The following NEDD4L variants were observed in gnomAD, a reference collection of about 807,000 sequenced individuals.
NEDD4L encodes the protein E3 ubiquitin-protein ligase NEDD4-like.
A neutral mutation model predicts 148.9 loss-of-function variants in NEDD4L; 54 were observed. The ratio of observed to expected loss-of-function variants is 0.36; its 90% CI spans 0.29 to 0.45. NEDD4L has a LOEUF of 0.45. Among genes scored for constraint, NEDD4L ranks in the 20% least tolerant of loss-of-function variants. The probability of loss-of-function intolerance (pLI) is 1.00; values close to 1 mark genes in which losing one functional copy is unlikely to be tolerated. For missense variants in NEDD4L, 856 were observed against 1,233.8 expected (o/e 0.69, Z 4.59); for synonymous variants, 433 against 440.7 (o/e 0.98, Z 0.22).
At chr18:58,384,752 G>A (rs1452418606) in intron 25 of NEDD4L, among the ~76,000 whole-genome samples, 1 of 152,188 alleles carries the variant, frequency 6.6e-6, no homozygotes, top group East Asian at 1.9e-4. Flanking sequence ...TGCCACCTGA[G>A]AGGCCGCACA....
chr18:58,155,914 G>A (rs981327019), intron 1 of NEDD4L, among the ~76,000 whole-genome samples: 1 of 152,186 alleles, frequency 6.6e-6, no homozygotes, highest in Non-Finnish European at 1.5e-5. Flanking sequence ...GAAGCCTGCA[G>A]CTCTCCCAAG....
At chr18:58,136,859 T>C (rs538099998) in intron 1 of NEDD4L, among the ~76,000 whole-genome samples, 1 of 152,192 alleles carries the variant, frequency 6.6e-6, no homozygotes, top group East Asian at 1.9e-4. Flanking sequence ...CAACCAGTGT[T>C]GTATACACTG....
intron 2 of NEDD4L, among the ~76,000 whole-genome samples, chr18:58,184,229 T>C (rs138456737): frequency 6.6e-6 from 1 of 152,278 alleles, no homozygotes; most frequent in East Asian, 1.9e-4. Flanking sequence ...CTGGCTTTAG[T>C]GTCACCATTC....
chr18:58,333,694 C>T (rs1377584954), intron 11 of NEDD4L, 124 bp from the exon 12 acceptor site: 7 of 691,392 alleles, frequency 1.0e-5, no homozygotes. Context: ...AAAGATGTTT[C>T]ATTTAATTAC....
At chr18:58,232,496 C>G (rs1472367661) in intron 2 of NEDD4L, among the ~76,000 whole-genome samples, 4 of 152,186 alleles carry the variant, frequency 2.6e-5, no homozygotes, top group African/African-American at 9.7e-5. Flanking sequence ...TTCATTCTTT[C>G]TATAAACTCC....
At chr18:58,084,671 T>TTGTGTGTGTGTGTGTGTG (rs55916532) in intron 1 of NEDD4L, among the ~76,000 whole-genome samples, 57 of 133,824 alleles carry the variant, frequency 4.3e-4, no homozygotes, top group East Asian at 1.6e-3. Flanking sequence ...TGTGGGGTTT[T>TTGTGTGTGTGTGTGTGTG]TGTGTGTGTG....
intron 18 of NEDD4L, among the ~76,000 whole-genome samples, chr18:58,354,300 C>T: frequency 6.6e-6 from 1 of 152,114 alleles, no homozygotes; most frequent in Non-Finnish European, 1.5e-5. Context: ...TTGTAAAGTC[C>T]TATTTTAGTC....
chr18:58,396,250 G>A lies in NEDD4L; in HGVS notation c.2909G>A (p.Gly970Glu), dbSNP rs1188324271. The change falls in exon 31 of 31, where the codon GGA becomes GAA. Residue 970 changes from glycine (G) to glutamate (E), a missense_variant. By Grantham distance (98) the Gly-to-Glu change is moderately conservative. Coordinates refer to ENST00000400345, the MANE Select transcript of NEDD4L (RefSeq NM_001144967.3). ...CTCATGGCCGTGGAAAATGCTCAAG[G>A]ATTTGAAGGGGTGGATTAAGCACCC... is the stretch of plus-strand genomic sequence containing the variant. ...KLLMAVENAQ[G>E]FEGVD 1 of 1,612,434 alleles carries A rather than the reference G, an allele frequency of 6.2e-7. No individual in the cohort carries two copies. The highest frequency in any genetic ancestry group is 1.3e-5 in the African/African-American group (1 of 74,938).
chr18:58,209,617 T>G (rs1361845342), intron 2 of NEDD4L, among the ~76,000 whole-genome samples: 2 of 150,114 alleles, frequency 1.3e-5, no homozygotes, highest in Non-Finnish European at 3.0e-5. Flanking sequence ...ATAGAGCATA[T>G]CACCTGGAGA....
chr18:58,044,565 G>C lies in NEDD4L; in HGVS notation c.-96G>C. On this transcript the variant is annotated 5_prime_UTR_variant, in exon 1 of 31. Transcript: ENST00000400345. ...AGGGCGTGCGCAGGGTAGGGTGCGG[G>C]ACCGGGGGGACCTGGAGGCAGAGGG... 2.8e-6 allele frequency: 4 copies of C among 1,407,380 alleles called. No homozygotes were observed. Among genetic ancestry groups the C allele is most frequent in the Non-Finnish European group, 3.7e-6 (4 of 1,076,114 alleles). The allele number at this position is 1,407,380 out of a possible 1,614,324, so 87.2% of individuals were successfully genotyped here.
intron 22 of NEDD4L, 70 bp downstream of exon 22, chr18:58,367,937 A>C: frequency 6.5e-7 from 1 of 1,540,756 alleles, no homozygotes. Flanking sequence ...TATCTTTCGC[A>C]TCATGGGTTT....
At chr18:58,390,593 C>A in intron 28 of NEDD4L, 53 bp from the exon 29 acceptor site, 3 of 1,103,718 alleles carry the variant, frequency 2.7e-6, no homozygotes, top group Non-Finnish European at 2.7e-6. Flanking sequence ...ATGACAGCAG[C>A]ATGTGCCATG....
chr18:58,060,017 C>G (rs2082257354), intron 1 of NEDD4L, among the ~76,000 whole-genome samples: 1 of 151,918 alleles, frequency 6.6e-6, no homozygotes, highest in South Asian at 2.1e-4. Flanking sequence ...TGCCCAGGGT[C>G]ACAGAACTAC....
chr18:58,073,130 G>A (rs2144937841), intron 1 of NEDD4L, among the ~76,000 whole-genome samples: 1 of 152,142 alleles, frequency 6.6e-6, no homozygotes, highest in African/African-American at 2.4e-5. Context: ...CCATGTTCAC[G>A]GATTAGAAGA....
rs561173552 is a variant in NEDD4L at position 58,285,246 on chromosome 18, T to G, written c.298-30736T>G. On this transcript the variant is annotated intron_variant, in intron 5 of 30. Transcript: ENST00000400345. ...AAGCCTAAGGACTAGTGAGTGGTCA[T>G]GTGGTTTATGGCCCCTATAAAAGGA... is the stretch of plus-strand genomic sequence containing the variant. 2.0e-5 allele frequency among the ~76,000 whole-genome samples: 3 copies of G among 152,272 alleles called. No homozygotes were observed. In the East Asian group the frequency reaches 5.8e-4, roughly 29 times the overall value.
intron 1 of NEDD4L, among the ~76,000 whole-genome samples, chr18:58,153,435 G>A (rs2035052508): frequency 6.6e-6 from 1 of 150,938 alleles, no homozygotes; most frequent in South Asian, 2.1e-4. Context: ...CGCCTCCCAG[G>A]TTCCAGCGGT....
Position 58,396,713 on chromosome 18 carries a change from A to ATTTTTTTTTTTTTTTTTTTTTTTTTTTT in NEDD4L, c.*458_*459insTTTTTTTTTTTTTTTTTTTTTTTTTTTT, listed in dbSNP as rs11433892. 1 of 143,714 alleles carries ATTTTTTTTTTTTTTTTTTTTTTTTTTTT rather than the reference A, an allele frequency of 7.0e-6. No individual in the cohort carries two copies. The highest frequency in any genetic ancestry group is 1.5e-5 in the Non-Finnish European group (1 of 66,052). 8.9% of individuals were successfully genotyped at this position (143,714 alleles called of 1,614,324 possible). ...GTCTCATGTACTTGGAAAAGTGAGCATTTTTTTTTTTTTTGTATTTCACTT... is the reference window on the plus strand; with the variant it reads ...GTCTCATGTACTTGGAAAAGTGAGCATTTTTTTTTTTTTTTTTTTTTTTTTTTTTTTTTTTTTTTTTTGTATTTCACTT... On this transcript the variant is annotated 3_prime_UTR_variant, in exon 31 of 31. Transcript: ENST00000400345.
intron 1 of NEDD4L, among the ~76,000 whole-genome samples, chr18:58,079,502 G>T (rs1298298324): frequency 6.6e-6 from 1 of 152,152 alleles, no homozygotes; most frequent in Non-Finnish European, 1.5e-5. Flanking sequence ...ATTATCCCTG[G>T]TATACAGATG....
chr18:58,064,113 C>T (rs6566935), intron 1 of NEDD4L, among the ~76,000 whole-genome samples: 14,810 of 151,796 alleles, frequency 0.098, 1,087 homozygotes, highest in African/African-American at 0.21. Context: ...TACAGGCACC[C>T]GCCACCACGC....
Sources: allele counts gnomAD v4.1 joint callset (sites outside exome capture counted in the v4.1 genomes callset), GRCh38; gene constraint gnomAD v4.1.1; transcripts MANE v1.5; gene names NCBI Gene and HGNC (gene_info 2026-07-23, HGNC 2026-07-21).